UBE2V2: variants seen among roughly 807,000 people sequenced by gnomAD.
UBE2V2 encodes ubiquitin-conjugating enzyme E2 variant 2.
In UBE2V2, 9 loss-of-function variants were observed where a neutral mutation model predicts 17.2. The ratio of observed to expected loss-of-function variants is 0.52; its 90% CI spans 0.32 to 0.91. The LOEUF (loss-of-function observed/expected upper bound fraction) is 0.91, where lower values mean the gene tolerates loss of function less well. Ranked by LOEUF, UBE2V2 falls within the 40% of genes least tolerant of loss-of-function variation. The pLI, the probability that UBE2V2 is intolerant of heterozygous loss-of-function variation, is 0.04. For synonymous variants in UBE2V2, 61 were observed against 57.5 expected (o/e 1.06, Z -0.28); for missense variants, 133 against 182.6 (o/e 0.73, Z 1.56).
At chr8:48,046,126 A>T (rs1051556199) in intron 2 of UBE2V2, among the ~76,000 whole-genome samples, 15 of 146,742 alleles carry the variant, frequency 1.0e-4, no homozygotes, top group Admixed American at 3.4e-4. Context: ...TTGTATTTTT[A>T]TTTTTTTTTT....
intron 3 of UBE2V2, 86 bp downstream of exon 3, chr8:48,050,064 A>T (rs2091525697): frequency 3.1e-6 from 3 of 981,710 alleles, no homozygotes; most frequent in Non-Finnish European, 4.1e-6. Flanking sequence ...TATATGTAAG[A>T]TATTAATATG....
rs750496417 is a variant in UBE2V2, at chr8:48,043,047, C to T, written c.31C>T (p.Arg11Cys). 11 of 1,568,312 alleles carry T rather than the reference C, an allele frequency of 7.0e-6. No individual in the cohort carries two copies. The highest frequency in any genetic ancestry group is 4.5e-5 in the East Asian group (2 of 44,640). Residue 11 changes from arginine (R) to cysteine (C), a missense_variant, in exon 2 of 4, where the codon CGT (arginine) becomes TGT (cysteine). Arg to Cys is a radical substitution (Grantham distance 180). This residue lies in a region of UBE2V2 where 27 missense variants were observed against 20.1 expected (regional missense o/e 1.34). Transcript: ENST00000523111. MAVSTGVKVP[R>C]NFRLLEELEE... ...CTTTTGTATAGGAGTTAAAGTTCCT[C>T]GTAATTTTCGCTTGTTGGAAGAACT...
chr8:48,018,371 C>T (rs2091283653), intron 1 of UBE2V2, among the ~76,000 whole-genome samples: 1 of 152,092 alleles, frequency 6.6e-6, no homozygotes, highest in East Asian at 1.9e-4. Flanking sequence ...TCATTTTTTT[C>T]AATAAACTTC....
chr8:48,015,293 G>A (rs1400676254), intron 1 of UBE2V2, among the ~76,000 whole-genome samples: 2 of 151,898 alleles, frequency 1.3e-5, no homozygotes, highest in African/African-American at 2.4e-5. Context: ...TAGAGTATGG[G>A]TTGAGCCTGG....
chr8:48,008,296 C>G (rs555926993), upstream of UBE2V2: 9 of 902,238 alleles, frequency 1.0e-5, no homozygotes, highest in Non-Finnish European at 1.4e-5. Flanking sequence ...GCAGCGAGGC[C>G]CCGCGACCCC....
At chr8:48,019,289 G>T (rs1041690412) in intron 1 of UBE2V2, among the ~76,000 whole-genome samples, 2 of 152,000 alleles carry the variant, frequency 1.3e-5, no homozygotes, top group African/African-American at 2.4e-5. Flanking sequence ...GCTTGAACCT[G>T]GGAGGCAGAG....
At chr8:48,035,605 A>G (rs952663230) in intron 1 of UBE2V2, among the ~76,000 whole-genome samples, 4 of 122,298 alleles carry the variant, frequency 3.3e-5, no homozygotes, top group Non-Finnish European at 6.7e-5. Flanking sequence ...CACAATACAT[A>G]TTTAAAAATT....
At chr8:48,009,557 C>T (rs2091213972) in intron 1 of UBE2V2, among the ~76,000 whole-genome samples, 1 of 152,108 alleles carries the variant, frequency 6.6e-6, no homozygotes, top group African/African-American at 2.4e-5. Context: ...TGAGCCACCG[C>T]GCTCGGCCTG....
At chr8:48,016,879 A>G (rs1422758909) in intron 1 of UBE2V2, among the ~76,000 whole-genome samples, 3 of 132,556 alleles carry the variant, frequency 2.3e-5, no homozygotes, top group South Asian at 2.5e-4. Flanking sequence ...CTCCACCTCC[A>G]GGTTCAAGCG....
intron 1 of UBE2V2, among the ~76,000 whole-genome samples, chr8:48,021,775 C>T (rs2091307370): frequency 6.6e-6 from 1 of 151,582 alleles, no homozygotes; most frequent in Non-Finnish European, 1.5e-5. Context: ...GCAACCTCTG[C>T]CTCCTGGGTT....
Position 48,024,552 on chromosome 8 carries a change from G to A in UBE2V2, c.16+16082G>A, listed in dbSNP as rs550742970. 1.5e-4 allele frequency among the ~76,000 whole-genome samples: 22 copies of A among 151,400 alleles called. No homozygotes were observed. In the South Asian group the frequency reaches 1.9e-3, roughly 13 times the overall value. On this transcript the variant is annotated intron_variant, in intron 1 of 3. Coordinates refer to ENST00000523111, the MANE Select transcript of UBE2V2 (RefSeq NM_003350.3). ...GGAGGTTGTGGTGAGCCGAGATCGCGCCATTGCACACCAGCCTGGGCAACA... is the reference window on the plus strand; with the variant it reads ...GGAGGTTGTGGTGAGCCGAGATCGCACCATTGCACACCAGCCTGGGCAACA...
At chr8:48,008,644 G>GCCAACCC in intron 1 of UBE2V2, 174 bp downstream of exon 1, 1 of 926,388 alleles carries the variant, frequency 1.1e-6, no homozygotes, top group Non-Finnish European at 1.4e-6. Context: ...CCGAGGCCCC[G>GCCAACCC]GCGGCCGTCG....
intron 1 of UBE2V2, among the ~76,000 whole-genome samples, chr8:48,012,110 C>T (rs553729789): frequency 2.0e-5 from 3 of 152,216 alleles, no homozygotes; most frequent in Non-Finnish European, 4.4e-5. Flanking sequence ...CTGATGCGCT[C>T]TCCATTATGA....
upstream of UBE2V2, among the ~76,000 whole-genome samples, chr8:48,006,496 C>A (rs528111731): frequency 6.6e-6 from 1 of 151,964 alleles, no homozygotes; most frequent in African/African-American, 2.4e-5. Context: ...GCCTTGGCTA[C>A]GTGGGCTCAA....
At chr8:48,044,214 G>A (rs1300742256) in intron 2 of UBE2V2, among the ~76,000 whole-genome samples, 1 of 152,138 alleles carries the variant, frequency 6.6e-6, no homozygotes, top group Non-Finnish European at 1.5e-5. Context: ...AGGCTGGAGT[G>A]CAGTGGTGTG....
the UBE2V2 span, among the ~76,000 whole-genome samples, chr8:48,001,743 T>A: frequency 6.6e-6 from 1 of 152,108 alleles, no homozygotes; most frequent in Non-Finnish European, 1.5e-5. Flanking sequence ...ATATCAAAAA[T>A]ATATAAGGAA....
At chr8:48,033,648 C>G (rs559596612) in intron 1 of UBE2V2, among the ~76,000 whole-genome samples, 1 of 152,174 alleles carries the variant, frequency 6.6e-6, no homozygotes, top group East Asian at 1.9e-4. Flanking sequence ...AAAATCCTGA[C>G]TATAGCAAAC....
intron 1 of UBE2V2, among the ~76,000 whole-genome samples, chr8:48,022,497 C>T (rs2091312626): frequency 6.6e-6 from 1 of 152,156 alleles, no homozygotes; most frequent in African/African-American, 2.4e-5. Flanking sequence ...ATAGTTTTGT[C>T]TTTTAACCTT....
At chr8:48,040,294 C>A (rs947477470) in intron 1 of UBE2V2, among the ~76,000 whole-genome samples, 6 of 152,064 alleles carry the variant, frequency 3.9e-5, no homozygotes, top group African/African-American at 1.4e-4. Context: ...CATTTTCTTA[C>A]AATAGAATTA....
Sources: gnomAD v4.1 joint callset for allele counts (sites outside exome capture counted in the v4.1 genomes callset) on GRCh38, gnomAD v4.1.1 for gene constraint, gnomAD v4.1.1 regional missense constraint, MANE v1.5 for transcripts, NCBI Gene and HGNC (gene_info 2026-07-23, HGNC 2026-07-21) for gene names.